USH2A: variants seen among roughly 807,000 people sequenced by gnomAD.
The protein encoded by USH2A is Usher syndrome 2A (autosomal recessive, mild).
USH2A carries 443 observed loss-of-function variants against 538.9 expected under a neutral mutation model. The observed-to-expected ratio is 0.82, with a 90% CI of 0.76 to 0.89. The LOEUF (loss-of-function observed/expected upper bound fraction) is 0.89. USH2A is among the 40% of genes least tolerant of loss of function. The pLI is 0.00. For missense variants in USH2A, 6,633 were observed against 6,324.8 expected (o/e 1.05, Z -1.65); for synonymous variants, 2,413 against 2,273.5 (o/e 1.06, Z -1.75).
chr1:215,836,480 A>ATATATATATAATAT (rs370092518), intron 47 of USH2A, among the ~76,000 whole-genome samples: 1 of 8,446 alleles, frequency 1.2e-4, no homozygotes, highest in Non-Finnish European at 2.3e-4. Context: ...ATATATATAT[A>ATATATATATAATAT]ATATATATTA....
intron 24 of USH2A, 190 bp from the exon 25 acceptor site, chr1:216,085,067 T>A (rs377327664): frequency 1.6e-6 from 1 of 623,468 alleles, no homozygotes; most frequent in South Asian, 2.0e-5. Flanking sequence ...TAATGTTTAG[T>A]GCTGGTTCAA....
intron 37 of USH2A, among the ~76,000 whole-genome samples, chr1:215,958,681 A>G (rs185505082): frequency 8.5e-5 from 13 of 152,192 alleles, no homozygotes; most frequent in Admixed American, 6.5e-4. Context: ...AGATGTTACC[A>G]CTGCAGTAAA....
In USH2A at chr1:216,364,987, T is replaced by C. The variant is rs1249830634; in HGVS notation, c.750A>G (p.Ala250=). The change falls in exon 4 of 72, where the codon GCA becomes GCG. Residue 250 remains alanine, a synonymous_variant. Transcript: ENST00000307340. ...RTLSGSITDF[A]SGTVQIGQSL... The stretch of plus-strand genomic sequence containing the variant: ...TCTGTCCTATTTGCACAGTACCAGA[T>C]GCAAAATCTGTAATTGAACCACTTA... 1 of 1,613,728 alleles carries C rather than the reference T, an allele frequency of 6.2e-7. No individual in the cohort carries two copies. The highest frequency in any genetic ancestry group is 1.7e-5 in the Admixed American group (1 of 59,996).
intron 11 of USH2A, among the ~76,000 whole-genome samples, chr1:216,277,200 A>G (rs2036686300): frequency 6.6e-6 from 1 of 152,108 alleles, no homozygotes; most frequent in African/African-American, 2.4e-5. Context: ...TATGCAATTA[A>G]TGCTCTTTAT....
At chr1:216,101,597 T>G (rs985678792) in intron 21 of USH2A, among the ~76,000 whole-genome samples, 3 of 152,236 alleles carry the variant, frequency 2.0e-5, no homozygotes. Flanking sequence ...AGCCCAGCAG[T>G]GCCAAAATAT....
intron 69 of USH2A, among the ~76,000 whole-genome samples, chr1:215,635,068 G>A (rs1412289448): frequency 2.0e-5 from 3 of 152,184 alleles, no homozygotes; most frequent in Non-Finnish European, 4.4e-5. Flanking sequence ...TGGGAGCAAA[G>A]TCCTTGCTTG....
At chr1:215,798,488 G>A (rs1000704331) in intron 50 of USH2A, among the ~76,000 whole-genome samples, 7 of 152,110 alleles carry the variant, frequency 4.6e-5, no homozygotes, top group African/African-American at 1.4e-4. Flanking sequence ...TATTGGCACA[G>A]TGTCTGTTAG....
chr1:216,319,563 A>G (rs1403116739), intron 9 of USH2A, among the ~76,000 whole-genome samples: 1 of 152,170 alleles, frequency 6.6e-6, no homozygotes, highest in East Asian at 1.9e-4. Context: ...CTAGATGTAT[A>G]TAAAGTAGTG....
At position 216,146,330 on chromosome 1, in the gene USH2A, G is replaced by C. The variant is rs557161079; in HGVS notation, c.4627+28922C>G. 2.6e-5 allele frequency among the ~76,000 whole-genome samples: 4 copies of C among 152,248 alleles called. No individual in the cohort carries two copies. In the South Asian group the frequency reaches 8.3e-4, roughly 32 times the overall value. On this transcript the variant is annotated intron_variant, in intron 21 of 71. Coordinates refer to ENST00000307340, the MANE Select transcript of USH2A (RefSeq NM_206933.4). ...TCAATTCCTTTCATTTTCTGGTAGA[G>C]ACAAAAGAGACATGTTTTATCCGTG... is the stretch of plus-strand genomic sequence containing the variant.
chr1:216,322,680 T>A, intron 8 of USH2A, among the ~76,000 whole-genome samples: 1 of 151,920 alleles, frequency 6.6e-6, no homozygotes, highest in East Asian at 1.9e-4. Flanking sequence ...CATATTTCAA[T>A]TTTTTTATTT....
chr1:216,142,275 C>T (rs756404513), intron 21 of USH2A, among the ~76,000 whole-genome samples: 10 of 152,096 alleles, frequency 6.6e-5, no homozygotes, highest in East Asian at 1.9e-4. Context: ...GATTGTATTA[C>T]GTTTGGCAAT....
chr1:216,174,825 CA>C, intron 21 of USH2A: 1 of 1,016,400 alleles, frequency 9.8e-7, no homozygotes, highest in Non-Finnish European at 1.2e-6. Flanking sequence ...ATTAGCTAAG[CA>C]AAGTTGAATA....
chr1:216,174,172 A>G, intron 21 of USH2A: 1 of 984,828 alleles, frequency 1.0e-6, no homozygotes, highest in Non-Finnish European at 1.2e-6. Context: ...ATAAAACAAT[A>G]CAAATTTTTA....
intron 3 of USH2A, among the ~76,000 whole-genome samples, chr1:216,380,742 A>C (rs1200193721): frequency 1.3e-5 from 2 of 152,156 alleles, no homozygotes; most frequent in African/African-American, 4.8e-5. Flanking sequence ...TAATTTTTTC[A>C]GGATAAAGAG....
At chr1:215,945,882 T>C (rs1255798070) in intron 37 of USH2A, among the ~76,000 whole-genome samples, 1 of 152,132 alleles carries the variant, frequency 6.6e-6, no homozygotes, top group African/African-American at 2.4e-5. Flanking sequence ...ATAATAAAAA[T>C]GTGGAATAAA....
intron 11 of USH2A, among the ~76,000 whole-genome samples, chr1:216,257,147 C>T (rs954703790): frequency 6.6e-6 from 1 of 151,860 alleles, no homozygotes; most frequent in African/African-American, 2.4e-5. Flanking sequence ...TGTGCAGATC[C>T]ATATTTCCAT....
chr1:216,404,249 T>A (rs1006945403), intron 3 of USH2A, among the ~76,000 whole-genome samples: 6 of 152,136 alleles, frequency 3.9e-5, no homozygotes, highest in Admixed American at 6.5e-5. Context: ...TATAATGCAA[T>A]TCCTATCAAA....
intron 44 of USH2A, among the ~76,000 whole-genome samples, chr1:215,854,633 G>T (rs1202322992): frequency 6.6e-6 from 1 of 152,172 alleles, no homozygotes; most frequent in Admixed American, 6.5e-5. Context: ...GCTCCCAAAT[G>T]GGTCTTCCAG....
chr1:216,332,954 T>C (rs955280479), intron 4 of USH2A, among the ~76,000 whole-genome samples: 1 of 151,886 alleles, frequency 6.6e-6, no homozygotes, highest in African/African-American at 2.4e-5. Flanking sequence ...CTACAAACAA[T>C]ATACAGGGGA....
Sources: allele counts gnomAD v4.1 joint callset (sites outside exome capture counted in the v4.1 genomes callset), GRCh38; gene constraint gnomAD v4.1.1; transcripts MANE v1.5; gene names NCBI Gene and HGNC (gene_info 2026-07-23, HGNC 2026-07-21).